The following TMOD2 variants were observed in gnomAD, a reference collection of about 807,000 sequenced individuals.
TMOD2 encodes the protein tropomodulin-2.
A neutral mutation model predicts 39.9 loss-of-function variants in TMOD2; 22 were observed. That is an observed-to-expected ratio of 0.55 (90% CI 0.39 to 0.79). The LOEUF is 0.79. Ranked by LOEUF, TMOD2 falls within the 30% of genes least tolerant of loss-of-function variation. TMOD2 has a pLI of 0.00. For synonymous variants in TMOD2, 123 were observed against 146.1 expected (o/e 0.84, Z 1.14); for missense variants, 386 against 413.3 (o/e 0.93, Z 0.57).
At chr15:51,797,434 C>T (rs535217793) in intron 7 of TMOD2, among the ~76,000 whole-genome samples, 2 of 152,366 alleles carry the variant, frequency 1.3e-5, no homozygotes, top group African/African-American at 4.8e-5. Flanking sequence ...CTATCTCTAG[C>T]AGCTCAGGCA....
chr15:51,772,997 C>A (rs994729218), intron 3 of TMOD2, among the ~76,000 whole-genome samples: 1 of 152,122 alleles, frequency 6.6e-6, no homozygotes, highest in African/African-American at 2.4e-5. Flanking sequence ...ACCTAGGAGG[C>A]CAGTATTCTT....
At chr15:51,760,594 C>T (rs1213241191) in intron 1 of TMOD2, among the ~76,000 whole-genome samples, 1 of 152,178 alleles carries the variant, frequency 6.6e-6, no homozygotes, top group Non-Finnish European at 1.5e-5. Context: ...CACTTGAGAT[C>T]AGGTGCTCAA....
At chr15:51,757,154 C>A (rs1595859986) in intron 1 of TMOD2, among the ~76,000 whole-genome samples, 1 of 152,294 alleles carries the variant, frequency 6.6e-6, no homozygotes, top group South Asian at 2.1e-4. Flanking sequence ...GTAATCCCAG[C>A]ACTTTGGGAT....
At chr15:51,796,008 A>G (rs941091214) in intron 7 of TMOD2, among the ~76,000 whole-genome samples, 3 of 142,326 alleles carry the variant, frequency 2.1e-5, no homozygotes, top group African/African-American at 5.3e-5. Flanking sequence ...TGTTTCTTCT[A>G]TGGCATATTG....
chr15:51,798,486 C>T lies in TMOD2; in HGVS notation c.876+146C>T, dbSNP rs1401021136. On this transcript the variant is annotated intron_variant, in intron 8 of 9. Transcript: ENST00000249700. The stretch of plus-strand genomic sequence containing the variant: ...TTTCCTGTAAGTTTTAGAACCATTT[C>T]TGGCCCATGGAGGATGTGCAGAAGA... The T allele has an allele frequency of 7.8e-6, 8 of 1,019,868 alleles. No individual in the cohort carries two copies. In the South Asian group the frequency reaches 1.2e-4, roughly 16 times the overall value. The allele number at this position is 1,019,868 out of a possible 1,614,324, so 63.2% of individuals were successfully genotyped here. A position where few individuals can be genotyped will look rare whatever the true frequency, so the allele number is the denominator to read the frequency against.
chr15:51,808,398 TG>T, intron 9 of TMOD2, 21 bp from the exon 10 acceptor site: 1 of 1,607,118 alleles, frequency 6.2e-7, no homozygotes, highest in Non-Finnish European at 8.5e-7. Context: ...TTTGTCTTTT[TG>T]TTCCTTTCTT....
intron 7 of TMOD2, among the ~76,000 whole-genome samples, chr15:51,788,408 G>C (rs1222764823): frequency 6.6e-6 from 1 of 152,234 alleles, no homozygotes; most frequent in Non-Finnish European, 1.5e-5. Flanking sequence ...TGGTGTACCT[G>C]AAAGTGACAG....
intron 7 of TMOD2, among the ~76,000 whole-genome samples, chr15:51,796,575 ATG>A (rs1201857570): frequency 6.6e-6 from 1 of 152,204 alleles, no homozygotes; most frequent in Non-Finnish European, 1.5e-5. Flanking sequence ...CAAACCCGAT[ATG>A]TGCTATGTCT....
chr15:51,773,756 G>A lies in TMOD2; in HGVS notation c.328G>A (p.Glu110Lys). 6.2e-7 allele frequency: 1 copy of A among 1,613,144 alleles called. No homozygotes were observed. The highest frequency in any genetic ancestry group is 8.5e-7 in the Non-Finnish European group (1 of 1,179,682). The part of the protein sequence containing the change: ...PKEKPIETRK[E>K]EKVTLDPELE... ...AGAAAAGCCTATAGAAACTCGTAAAGAAGAAAAAGTGACCCTTGACCCAGA... is the reference window on the plus strand; with the variant it reads ...AGAAAAGCCTATAGAAACTCGTAAAAAAGAAAAAGTGACCCTTGACCCAGA... Residue 110 changes from glutamate (E) to lysine (K), a missense_variant, in exon 4 of 10, where the codon GAA becomes AAA. Glu to Lys is a moderately conservative substitution (Grantham distance 56). Coordinates refer to ENST00000249700, the MANE Select transcript of TMOD2 (RefSeq NM_014548.4).
rs530849954 is a variant in TMOD2, at chr15:51,757,295, G to C, written c.-70+5583G>C. On this transcript the variant is annotated intron_variant, in intron 1 of 9. Coordinates refer to ENST00000249700, the MANE Select transcript of TMOD2 (RefSeq NM_014548.4). ...CGGGCACCTGTAGTCCCAGCTTCTC[G>C]GGAGGCTGAGGCAGGAGAATGGCGT... Among the ~76,000 whole-genome samples, 5 of 151,476 alleles carry C rather than the reference G, an allele frequency of 3.3e-5. No homozygotes were observed. The East Asian group carries it at 5.8e-4, about 18-fold the overall frequency.
intron 7 of TMOD2, among the ~76,000 whole-genome samples, chr15:51,789,642 G>A (rs147136548): frequency 1.3e-5 from 2 of 152,192 alleles, no homozygotes; most frequent in African/African-American, 4.8e-5. Flanking sequence ...TAAAAGAACA[G>A]AAATCACAAC....
Position 51,808,556 on chromosome 15 carries a change from T to C in TMOD2, c.*102T>C, listed in dbSNP as rs1159919574. On this transcript the variant is annotated 3_prime_UTR_variant, in exon 10 of 10. Coordinates refer to ENST00000249700, the MANE Select transcript of TMOD2 (RefSeq NM_014548.4). The stretch of plus-strand genomic sequence containing the variant: ...ACCATTTTATCAAAGTTCGTTCATT[T>C]CCGTTAACCACATAACTAATAATTT... 1 of 835,990 alleles carries C rather than the reference T, an allele frequency of 1.2e-6. No individual in the cohort carries two copies. The highest frequency in any genetic ancestry group is 2.6e-5 in the East Asian group (1 of 38,098). 51.8% of individuals were successfully genotyped at this position (835,990 alleles called of 1,614,324 possible).
At chr15:51,769,983 A>T (rs2055842461) in intron 3 of TMOD2, among the ~76,000 whole-genome samples, 1 of 152,220 alleles carries the variant, frequency 6.6e-6, no homozygotes, top group Admixed American at 6.5e-5. Flanking sequence ...GTGAGCCGTG[A>T]TCATGCCACT....
At chr15:51,766,857 GA>G (rs1470439100) in intron 2 of TMOD2, 1 of 215,162 alleles carries the variant, frequency 4.6e-6, no homozygotes, top group Non-Finnish European at 9.3e-6. Context: ...AAGGAAAGAG[GA>G]AAAGAGAGCA....
At chr15:51,767,296 G>A (rs2055822765) in intron 2 of TMOD2, 1 of 152,124 alleles carries the variant, frequency 6.6e-6, no homozygotes. Context: ...AAAGTACTGG[G>A]ATTATAGGCC....
At chr15:51,775,176 TA>T (rs2055878289) in intron 4 of TMOD2, among the ~76,000 whole-genome samples, 1 of 152,076 alleles carries the variant, frequency 6.6e-6, no homozygotes, top group African/African-American at 2.4e-5. Context: ...TTGTGGCAGA[TA>T]GAGAGCAGAC....
intron 3 of TMOD2, among the ~76,000 whole-genome samples, chr15:51,768,633 G>A (rs184104135): frequency 3.1e-4 from 47 of 152,290 alleles, no homozygotes; most frequent in African/African-American, 1.0e-3. Context: ...TCCGGGAAAT[G>A]GGAAATAAGC....
chr15:51,766,652 C>G, intron 2 of TMOD2, 85 bp downstream of exon 2: 1 of 1,417,388 alleles, frequency 7.1e-7, no homozygotes, highest in Non-Finnish European at 9.7e-7. Flanking sequence ...GGTAGAAATC[C>G]CTTAGCTCGG....
intron 1 of TMOD2, among the ~76,000 whole-genome samples, chr15:51,764,600 A>G (rs2055804171): frequency 6.6e-6 from 1 of 152,180 alleles, no homozygotes; most frequent in Non-Finnish European, 1.5e-5. Context: ...CCAACAGAAT[A>G]AAGTTCAGGT....
Sources: gnomAD v4.1 joint callset for allele counts (sites outside exome capture counted in the v4.1 genomes callset) on GRCh38, gnomAD v4.1.1 for gene constraint, MANE v1.5 for transcripts, NCBI Gene and HGNC (gene_info 2026-07-23, HGNC 2026-07-21) for gene names.